Variants in CCZ1 observed in about 807,000 individuals in gnomAD.
CCZ1 encodes vacuolar fusion protein CCZ1 homolog.
In CCZ1, 19 loss-of-function variants were observed where a neutral mutation model predicts 57.8. The ratio of observed to expected loss-of-function variants is 0.33; its 90% CI spans 0.23 to 0.48. CCZ1 has a LOEUF of 0.48. Ranked by LOEUF, CCZ1 falls within the 20% of genes least tolerant of loss-of-function variation. The pLI is 0.99. For synonymous variants in CCZ1, 81 were observed against 167.0 expected (o/e 0.49, Z 3.97); for missense variants, 200 against 492.0 (o/e 0.41, Z 5.61).
At position 5,914,672 on chromosome 7, in the gene CCZ1, C is replaced by T. The variant is rs550762046; in HGVS notation, c.954+1718C>T. Among the ~76,000 whole-genome samples, 24 of 148,912 alleles carry T rather than the reference C, an allele frequency of 1.6e-4. 1 individual carries two copies. Among genetic ancestry groups the T allele is most frequent in the Non-Finnish European group, 3.1e-4 (21 of 67,688 alleles). ...GGCGGATCACCTGAGGTCTGGAGTT[C>T]GAGACCAGCCTGGCCAACATGGGGA... On this transcript the variant is annotated intron_variant, in intron 10 of 14. Coordinates refer to ENST00000325974, the MANE Select transcript of CCZ1 (RefSeq NM_015622.6).
intron 4 of CCZ1, 105 bp from the exon 5 acceptor site, chr7:5,901,552 A>G: frequency 6.8e-7 from 1 of 1,461,734 alleles, no homozygotes; most frequent in Admixed American, 2.3e-5. Context: ...CAAAGTTTAT[A>G]AACATTATAC....
intron 12 of CCZ1, among the ~76,000 whole-genome samples, chr7:5,922,851 A>C (rs1475912487): frequency 6.7e-6 from 1 of 149,508 alleles, no homozygotes; most frequent in Non-Finnish European, 1.5e-5. Context: ...TACTCTCCTC[A>C]AGCAGGGGTC....
chr7:5,909,716 A>T (rs1781923193), intron 7 of CCZ1, among the ~76,000 whole-genome samples: 1 of 146,154 alleles, frequency 6.8e-6, no homozygotes, highest in Non-Finnish European at 1.5e-5. Context: ...AAAGAAAAAA[A>T]AATTTTTTTT....
chr7:5,902,218 C>T (rs185591284), intron 5 of CCZ1: 18 of 185,088 alleles, frequency 9.7e-5, no homozygotes, highest in East Asian at 3.9e-4. Context: ...GGATCGCTCG[C>T]GCCTTGGAGG....
At chr7:5,911,264 C>CA (rs146964870) in intron 8 of CCZ1, among the ~76,000 whole-genome samples, 6,732 of 148,520 alleles carry the variant, frequency 0.045, 98 homozygotes, top group African/African-American at 0.087. Flanking sequence ...GCTTAACATA[C>CA]AAAAATCATT....
In CCZ1 at chr7:5,913,145, T is replaced by G. The variant is rs2240408; in HGVS notation, c.954+191T>G. Among the ~76,000 whole-genome samples the G allele has an allele frequency of 5.3e-4, 75 of 142,496 alleles. 1 individual carries two copies. Among genetic ancestry groups the G allele is most frequent in the Non-Finnish European group, 9.4e-4 (62 of 65,912 alleles). 93.5% of individuals were successfully genotyped at this position (142,496 alleles called of 152,430 possible). A position where few individuals can be genotyped will look rare whatever the true frequency, so the allele number is the denominator to read the frequency against. ...TATTTTCAGCTCCTTTTAAACAGTT[T>G]TGTTATTAGTGAAAGAGGAACTGTT... On this transcript the variant is annotated intron_variant, in intron 10 of 14. Transcript: ENST00000325974.
intron 10 of CCZ1, among the ~76,000 whole-genome samples, chr7:5,914,765 A>G (rs1351655846): frequency 1.4e-5 from 2 of 147,212 alleles, no homozygotes; most frequent in Admixed American, 6.7e-5. Flanking sequence ...AATCCCAGCT[A>G]CTCCGGAGGC....
chr7:5,899,306 TGAG>T (rs1229463105), intron 1 of CCZ1, among the ~76,000 whole-genome samples: 1 of 136,714 alleles, frequency 7.3e-6, no homozygotes, highest in Non-Finnish European at 1.6e-5. Context: ...TTCGCCCAAA[TGAG>T]GAAATAAATT....
intron 9 of CCZ1, among the ~76,000 whole-genome samples, chr7:5,912,413 G>GT: frequency 2.1e-5 from 1 of 47,588 alleles, no homozygotes; most frequent in African/African-American, 9.6e-5. Flanking sequence ...TTTTTTTTGA[G>GT]ATGGAGTGTC....
chr7:5,901,901 T>C (rs1430038038), intron 5 of CCZ1, 197 bp downstream of exon 5: 2 of 527,328 alleles, frequency 3.8e-6, no homozygotes, highest in Non-Finnish European at 6.6e-6. Context: ...AACTCCCTTC[T>C]CTTTTCTCAG....
chr7:5,913,018 C>T (rs1325248501), intron 10 of CCZ1, 64 bp downstream of exon 10: 9 of 1,582,692 alleles, frequency 5.7e-6, no homozygotes, highest in African/African-American at 2.8e-5. Context: ...TGCATGTGTA[C>T]ACGAGTGCAT....
rs1177686633 is a variant in CCZ1 at position 5,902,478 on chromosome 7, T to C, written c.439-183T>C. On this transcript the variant is annotated intron_variant, in intron 5 of 14. Coordinates refer to ENST00000325974, the MANE Select transcript of CCZ1 (RefSeq NM_015622.6). ...GTTTCATAAATAAGACAGCATCACT[T>C]AACAGTATTTTTTGTAACTTACATT... is the stretch of plus-strand genomic sequence containing the variant. 5 of 1,144,840 alleles carry C rather than the reference T, an allele frequency of 4.4e-6. No homozygotes were observed. In the South Asian group the frequency reaches 1.0e-4, roughly 23 times the overall value. 70.9% of individuals were successfully genotyped at this position (1,144,840 alleles called of 1,614,324 possible).
intron 6 of CCZ1, among the ~76,000 whole-genome samples, chr7:5,903,363 C>T (rs186249034): frequency 0.21 from 29,855 of 141,784 alleles, 2,889 homozygotes; most frequent in Admixed American, 0.32. Context: ...AAGCGATCTT[C>T]CCTCCTTGGC....
intron 4 of CCZ1, 89 bp downstream of exon 4, chr7:5,901,021 G>C: frequency 1.4e-6 from 1 of 714,578 alleles, no homozygotes; most frequent in Non-Finnish European, 2.1e-6. Flanking sequence ...TTTAAACTAG[G>C]AGGCTTTTGC....
At position 5,902,618 on chromosome 7, in the gene CCZ1, A is replaced by G. The variant is rs371964069; in HGVS notation, c.439-43A>G. ...AACTTGTTATACTGAAAAAGTGAGC[A>G]TAGGAAACTGATTTTTTTTCCTGCA... On this transcript the variant is annotated intron_variant, in intron 5 of 14. Transcript: ENST00000325974. The G allele has an allele frequency of 5.2e-6, 8 of 1,551,450 alleles. 1 individual carries two copies. The Admixed American group carries it at 5.8e-5, about 11-fold the overall frequency.
Position 5,902,643 on chromosome 7 carries a change from A to C in CCZ1, c.439-18A>C, listed in dbSNP as rs1194053290. On this transcript the variant is annotated intron_variant, in intron 5 of 14. Coordinates refer to ENST00000325974, the MANE Select transcript of CCZ1 (RefSeq NM_015622.6). ...ATAGGAAACTGATTTTTTTTCCTGCAATCTTTTACCTCACTAGCTTTTTAA... is the reference window on the plus strand; with the variant it reads ...ATAGGAAACTGATTTTTTTTCCTGCCATCTTTTACCTCACTAGCTTTTTAA... 18 of 1,566,572 alleles carry C rather than the reference A, an allele frequency of 1.1e-5. 1 individual carries two copies. In the African/African-American group the frequency reaches 1.7e-4, roughly 15 times the overall value.
At chr7:5,915,777 A>AGCCC (rs1779136244) in intron 10 of CCZ1, among the ~76,000 whole-genome samples, 2 of 67,450 alleles carry the variant, frequency 3.0e-5, no homozygotes, top group Admixed American at 1.7e-4. Flanking sequence ...TGTGTTCCAA[A>AGCCC]ACCCCCGGGA....
intron 7 of CCZ1, among the ~76,000 whole-genome samples, chr7:5,907,289 G>A (rs1475654585): frequency 6.7e-6 from 1 of 149,530 alleles, no homozygotes; most frequent in Non-Finnish European, 1.5e-5. Flanking sequence ...TGTAGGAGAT[G>A]GGAGGCTAGT....
At chr7:5,909,320 G>A (rs920305808) in intron 7 of CCZ1, among the ~76,000 whole-genome samples, 1 of 150,730 alleles carries the variant, frequency 6.6e-6, no homozygotes, top group Non-Finnish European at 1.5e-5. Context: ...AGGTTCGCTT[G>A]AGCCTGGGAA....
Sources: gnomAD v4.1 joint callset for allele counts (sites outside exome capture counted in the v4.1 genomes callset) on GRCh38, gnomAD v4.1.1 for gene constraint, MANE v1.5 for transcripts, NCBI Gene and HGNC (gene_info 2026-07-23, HGNC 2026-07-21) for gene names.